Variants in SLC2A5 observed in about 807,000 individuals in gnomAD.
SLC2A5 encodes solute carrier family 2 member 5, also known as solute carrier family 2, facilitated glucose transporter member 5.
In SLC2A5, 56 loss-of-function variants were observed where a neutral mutation model predicts 50.3. That is an observed-to-expected ratio of 1.11 (90% CI 0.90 to 1.39). The LOEUF (loss-of-function observed/expected upper bound fraction) is 1.39. Ranked by LOEUF, SLC2A5 falls within the 40% of genes most tolerant of loss-of-function variation. SLC2A5 has a pLI of 0.00. For synonymous variants in SLC2A5, 269 were observed against 281.9 expected (o/e 0.95, Z 0.46); for missense variants, 566 against 650.1 (o/e 0.87, Z 1.41).
In SLC2A5 at chr1:9,037,214, T is replaced by G; in HGVS notation, c.*372A>C. ...ACCAAGTTAGTTTCTCTGGCAAAAT[T>G]TGATTCCTTCCATCTCACCACTATA... On this transcript the variant is annotated 3_prime_UTR_variant, in exon 12 of 12. Transcript: ENST00000377424. 4.7e-6 allele frequency: 1 copy of G among 210,980 alleles called. No individual in the cohort carries two copies. Among genetic ancestry groups the G allele is most frequent in the Non-Finnish European group, 9.6e-6 (1 of 103,874 alleles). The allele number at this position is 210,980 out of a possible 1,614,324, so 13.1% of individuals were successfully genotyped here. A position where few individuals can be genotyped will look rare whatever the true frequency, so the allele number is the denominator to read the frequency against.
chr1:9,041,637 C>A, intron 5 of SLC2A5, 148 bp downstream of exon 5: 1 of 1,508,224 alleles, frequency 6.6e-7, no homozygotes, highest in Non-Finnish European at 8.9e-7. Flanking sequence ...TGGCTCGGGA[C>A]AGGATGGGCC....
intron 4 of SLC2A5, among the ~76,000 whole-genome samples, chr1:9,044,092 G>T (rs1310523493): frequency 1.7e-4 from 26 of 151,722 alleles, no homozygotes; most frequent in African/African-American, 4.8e-5. Context: ...ATTTTGGGAG[G>T]CTGAGGCAGG....
intron 1 of SLC2A5, among the ~76,000 whole-genome samples, chr1:9,059,174 G>T (rs12354271): frequency 0.71 from 81,327 of 113,942 alleles, 29,939 homozygotes; most frequent in East Asian, 0.96. Flanking sequence ...ACAGAGTCTT[G>T]CTCTGTCACC....
rs559494385 is a variant in SLC2A5 at position 9,055,332 on chromosome 1, A to G, written c.293+2116T>C. 7.9e-5 allele frequency among the ~76,000 whole-genome samples: 12 copies of G among 152,260 alleles called. No homozygotes were observed. The East Asian group carries it at 1.9e-3, about 24-fold the overall frequency. On this transcript the variant is annotated intron_variant, in intron 3 of 11. Transcript: ENST00000377424. ...GGAATTTGAGACCAGCCTGGCCAAC[A>G]TGGTGAAACTCCGTCTCTAATAAAG... is the stretch of plus-strand genomic sequence containing the variant.
upstream of SLC2A5, among the ~76,000 whole-genome samples, chr1:9,091,342 C>T (rs1301107744): frequency 6.6e-6 from 1 of 152,180 alleles, no homozygotes; most frequent in East Asian, 1.9e-4. Context: ...TCTAGCCCAA[C>T]CCATGGGAAA....
chr1:9,076,108 A>G (rs1642278751), intron 2 of SLC2A5, among the ~76,000 whole-genome samples: 1 of 151,894 alleles, frequency 6.6e-6, no homozygotes, highest in Non-Finnish European at 1.5e-5. Flanking sequence ...GACGCACGCC[A>G]CTACGCCTGG....
intron 5 of SLC2A5, chr1:9,041,353 T>C: frequency 1.4e-6 from 1 of 707,886 alleles, no homozygotes; most frequent in Non-Finnish European, 2.0e-6. Flanking sequence ...TCACTCCTGG[T>C]ACTTCTCTTT....
chr1:9,083,254 A>G (rs1642371972), intron 2 of SLC2A5, among the ~76,000 whole-genome samples: 1 of 152,230 alleles, frequency 6.6e-6, no homozygotes, highest in African/African-American at 2.4e-5. Context: ...GCTTGAAGCA[A>G]TGCAATTTTC....
At chr1:9,092,606 T>G (rs1642471029), upstream of SLC2A5, among the ~76,000 whole-genome samples, 1 of 152,172 alleles carries the variant, frequency 6.6e-6, no homozygotes, top group African/African-American at 2.4e-5. Flanking sequence ...AGGGTTCAAT[T>G]TCTTTTAGTT....
chr1:9,065,624 G>A (rs577246921), intron 1 of SLC2A5, among the ~76,000 whole-genome samples: 12 of 152,344 alleles, frequency 7.9e-5, no homozygotes, highest in Non-Finnish European at 1.3e-4. Flanking sequence ...GAGCCCAGGA[G>A]TGTGGGCTCG....
chr1:9,044,917 T>C lies in SLC2A5; in HGVS notation c.418+2693A>G, dbSNP rs532197453. On this transcript the variant is annotated intron_variant, in intron 4 of 11. Coordinates refer to ENST00000377424, the MANE Select transcript of SLC2A5 (RefSeq NM_003039.3). ...CAGCTTGATGATCCACTTTGCTGAC[T>C]TGCTGGAGGTATGTGAAAAACTGTT... Among the ~76,000 whole-genome samples the C allele has an allele frequency of 4.6e-5, 7 of 152,322 alleles. No individual in the cohort carries two copies. In the South Asian group the frequency reaches 1.2e-3, roughly 27 times the overall value.
chr1:9,045,919 C>T (rs895821048), intron 4 of SLC2A5, among the ~76,000 whole-genome samples: 5 of 150,824 alleles, frequency 3.3e-5, no homozygotes, highest in African/African-American at 9.7e-5. Flanking sequence ...CAGGTGCTCT[C>T]AGGGAAAGCC....
intron 10 of SLC2A5, 88 bp downstream of exon 10, chr1:9,038,343 C>T (rs1432159391): frequency 4.1e-6 from 4 of 967,044 alleles, no homozygotes; most frequent in Non-Finnish European, 6.6e-6. Context: ...CTGCATTGGC[C>T]ATCCCTGGTA....
chr1:9,069,463 C>T (rs1331102654), intron 1 of SLC2A5, 41 bp downstream of exon 1: 2 of 1,611,728 alleles, frequency 1.2e-6, no homozygotes, highest in Admixed American at 1.7e-5. Context: ...CCCTGGCAGC[C>T]AAGCCTGCTC....
upstream of SLC2A5, among the ~76,000 whole-genome samples, chr1:9,089,843 C>T (rs1432018232): frequency 6.6e-6 from 1 of 152,212 alleles, no homozygotes; most frequent in Non-Finnish European, 1.5e-5. Flanking sequence ...CTCTTCACAG[C>T]TGGCACTGCC....
At chr1:9,073,295 G>A (rs1210664714), upstream of SLC2A5, among the ~76,000 whole-genome samples, 32 of 152,180 alleles carry the variant, frequency 2.1e-4, no homozygotes, top group Non-Finnish European at 4.4e-5. Context: ...CAAGACCTGC[G>A]GCTGCCCAAA....
chr1:9,072,948 C>T (rs532679744), upstream of SLC2A5: 4 of 150,912 alleles, frequency 2.7e-5, no homozygotes, highest in South Asian at 2.1e-4. Flanking sequence ...GGTGACAGAG[C>T]GAGACTCTTG....
intron 1 of SLC2A5, among the ~76,000 whole-genome samples, chr1:9,064,552 G>A (rs1422279673): frequency 1.3e-5 from 2 of 152,084 alleles, no homozygotes; most frequent in Non-Finnish European, 2.9e-5. Flanking sequence ...ACCACCCCAA[G>A]AAAGAAAAGA....
intron 1 of SLC2A5, among the ~76,000 whole-genome samples, chr1:9,067,982 G>A (rs992941278): frequency 6.6e-5 from 10 of 151,930 alleles, no homozygotes; most frequent in Non-Finnish European, 1.2e-4. Context: ...CTGAGGTCAG[G>A]AGTTCTAGAC....
Sources: allele counts gnomAD v4.1 joint callset (sites outside exome capture counted in the v4.1 genomes callset), GRCh38; gene constraint gnomAD v4.1.1; transcripts MANE v1.5; gene names NCBI Gene and HGNC (gene_info 2026-07-23, HGNC 2026-07-21).